GSG1L: variants seen among roughly 807,000 people sequenced by gnomAD.
GSG1L encodes GSG1 like.
In GSG1L, 24 loss-of-function variants were observed where a neutral mutation model predicts 42.1. The observed-to-expected ratio is 0.57, with a 90% confidence interval of 0.41 to 0.80. The LOEUF is 0.80. GSG1L is among the 30% of genes least tolerant of loss of function. The pLI is 0.00. For synonymous variants in GSG1L, 215 were observed against 203.5 expected (o/e 1.06, Z -0.48); for missense variants, 445 against 472.2 (o/e 0.94, Z 0.53).
In GSG1L at chr16:27,828,835, C is replaced by T. The variant is rs1181418429; in HGVS notation, c.784G>A (p.Glu262Lys). 1 of 1,614,200 alleles carries T rather than the reference C, an allele frequency of 6.2e-7. No individual in the cohort carries two copies. The highest frequency in any genetic ancestry group is 8.5e-7 in the Non-Finnish European group (1 of 1,180,032). ...GCCTCAGGGTCTATGAAGGTCGGCT[C>T]TTCCCGGTAGCCCTGCTCAAAGACC... ...RKVFEQGYRE[E>K]PTFIDPEAIK... Residue 262 changes from glutamate to lysine, a missense_variant, in exon 5 of 7, where the codon GAG becomes AAG. Physicochemically the swap from Glu to Lys is moderately conservative, Grantham distance 56. Around this residue, in one of 3 missense-constraint regions of GSG1L, gnomAD observed 140 missense variants for 120.6 expected, o/e 1.16. Coordinates refer to ENST00000447459, the MANE Select transcript of GSG1L (RefSeq NM_001109763.2).
At position 28,063,428 on chromosome 16, in the gene GSG1L, G is replaced by GC; in HGVS notation, c.-5dup. The GC allele has an allele frequency of 7.9e-7, 1 of 1,258,456 alleles. No homozygotes were observed. Among genetic ancestry groups the GC allele is most frequent in the African/African-American group, 1.6e-5 (1 of 63,170 alleles). The allele number at this position is 1,258,456 out of a possible 1,614,324, so 78.0% of individuals were successfully genotyped here. On this transcript the variant is annotated 5_prime_UTR_variant, in exon 1 of 7. Coordinates refer to ENST00000447459, the MANE Select transcript of GSG1L (RefSeq NM_001109763.2). This position sits in a 1 kb window ranked among gnomAD's most constrained non-coding sequence, Gnocchi z 5.8. Reference sequence around the variant, plus strand: ...GGCCGCGGCGGCTAGTCTTCATGCCGCCCGCGCCGCCGGGACGGGACTGCA... The same window carrying GC: ...GGCCGCGGCGGCTAGTCTTCATGCCGCCCCGCGCCGCCGGGACGGGACTGCA...
intron 3 of GSG1L, among the ~76,000 whole-genome samples, chr16:27,853,915 T>G (rs973297333): frequency 6.6e-6 from 1 of 152,022 alleles, no homozygotes. Context: ...TTAATGGACA[T>G]GTAGCCAGGC....
rs2086089892 is a variant in GSG1L, at chr16:28,040,086, C to G, written c.349+22990G>C. 6.6e-6 allele frequency among the ~76,000 whole-genome samples: 1 copy of G among 152,132 alleles called. No individual in the cohort carries two copies. Among genetic ancestry groups the G allele is most frequent in the East Asian group, 1.9e-4 (1 of 5,194 alleles). On this transcript the variant is annotated intron_variant, in intron 1 of 6. Coordinates refer to ENST00000447459, the MANE Select transcript of GSG1L (RefSeq NM_001109763.2). This position sits in a 1 kb window ranked among gnomAD's most constrained non-coding sequence, Gnocchi z 4.1. Reference sequence around the variant, plus strand: ...ATCATAGTCCTGTCCTTTCTTCCTGCAAAACAATGGCTGAGCCCGTCACCC... The same window carrying G: ...ATCATAGTCCTGTCCTTTCTTCCTGGAAAACAATGGCTGAGCCCGTCACCC...
At position 27,884,402 on chromosome 16, in the gene GSG1L, G is replaced by A. The variant is rs78767624; in HGVS notation, c.550+84C>T. On this transcript the variant is annotated intron_variant, in intron 3 of 6. Transcript: ENST00000447459. This position sits in a 1 kb window ranked among gnomAD's most constrained non-coding sequence, Gnocchi z 4.4. Reference sequence around the variant, plus strand: ...AGAAGCAATTTGTCCAATGCCTCCCGGTTGGTACAACCAGGGCTTACTCCA... The same window carrying A: ...AGAAGCAATTTGTCCAATGCCTCCCAGTTGGTACAACCAGGGCTTACTCCA... The A allele has an allele frequency of 5.0e-3, 6,503 of 1,312,554 alleles. 29 individuals carry two copies. Among genetic ancestry groups the A allele is most frequent in the Non-Finnish European group, 6.2e-3 (5,993 of 966,642 alleles). 81.3% of individuals were successfully genotyped at this position (1,312,554 alleles called of 1,614,324 possible).
chr16:27,981,949 T>C (rs1000447133), intron 1 of GSG1L, among the ~76,000 whole-genome samples: 3 of 152,232 alleles, frequency 2.0e-5, no homozygotes, highest in Non-Finnish European at 4.4e-5. Context: ...TCAGACTCTC[T>C]GGGTCTTAGT....
chr16:27,928,517 G>GAAAACAAAAC (rs71985960), intron 2 of GSG1L, among the ~76,000 whole-genome samples: 1 of 150,762 alleles, frequency 6.6e-6, no homozygotes, highest in African/African-American at 2.4e-5. Context: ...GAAAAGAAAA[G>GAAAACAAAAC]AAAACAAAAC....
chr16:27,934,325 C>A (rs1399227715), intron 2 of GSG1L, among the ~76,000 whole-genome samples: 1 of 152,160 alleles, frequency 6.6e-6, no homozygotes, highest in African/African-American at 2.4e-5. Flanking sequence ...GGGAGGATCA[C>A]CTGAGGTCAG....
intron 1 of GSG1L, among the ~76,000 whole-genome samples, chr16:27,988,473 G>T (rs974967601): frequency 2.0e-5 from 3 of 151,728 alleles, no homozygotes; most frequent in African/African-American, 7.3e-5. Context: ...AAGGAGAAAT[G>T]GTATAGATAA....
At chr16:27,983,962 C>A (rs1216816169) in intron 1 of GSG1L, among the ~76,000 whole-genome samples, 3 of 152,130 alleles carry the variant, frequency 2.0e-5, no homozygotes, top group Non-Finnish European at 4.4e-5. Context: ...GCATAAATAA[C>A]CCCTGATAGA....
intron 1 of GSG1L, among the ~76,000 whole-genome samples, chr16:28,000,561 G>A (rs772047176): frequency 6.6e-6 from 1 of 152,092 alleles, no homozygotes; most frequent in South Asian, 2.1e-4. Context: ...CAGATGTTAC[G>A]TGCTGATTTT....
chr16:27,958,992 T>C (rs2085036962), intron 2 of GSG1L, among the ~76,000 whole-genome samples: 1 of 152,094 alleles, frequency 6.6e-6, no homozygotes, highest in Admixed American at 6.6e-5. Context: ...TTAAAATTTC[T>C]ATAACAAGTG....
At chr16:27,934,118 G>C (rs983296119) in intron 2 of GSG1L, among the ~76,000 whole-genome samples, 2 of 152,204 alleles carry the variant, frequency 1.3e-5, no homozygotes, top group Non-Finnish European at 2.9e-5. Flanking sequence ...ACCTTCCCCA[G>C]CACGCAGGTC....
At chr16:27,997,856 C>CTTTTTT (rs35354576) in intron 1 of GSG1L, among the ~76,000 whole-genome samples, 1 of 85,102 alleles carries the variant, frequency 1.2e-5, no homozygotes, top group Non-Finnish European at 2.2e-5. Flanking sequence ...ACCCTCTCCA[C>CTTTTTT]TTTTTTTTTT....
intron 1 of GSG1L, among the ~76,000 whole-genome samples, chr16:28,042,892 A>G (rs2086122992): frequency 6.6e-6 from 1 of 152,192 alleles, no homozygotes; most frequent in Non-Finnish European, 1.5e-5. Flanking sequence ...AAGGCAGGCT[A>G]GGTGAAGTGG....
chr16:28,059,777 C>T lies in GSG1L; in HGVS notation c.349+3299G>A, dbSNP rs543841260. On this transcript the variant is annotated intron_variant, in intron 1 of 6. Coordinates refer to ENST00000447459, the MANE Select transcript of GSG1L (RefSeq NM_001109763.2). This position sits in a 1 kb window ranked among gnomAD's most constrained non-coding sequence, Gnocchi z 4.4. ...TTGGGGTGACTCTGTGTCGAGGCCACGCTTCCCTTTCTGTTTGTGGAAGGA... is the reference window on the plus strand; with the variant it reads ...TTGGGGTGACTCTGTGTCGAGGCCATGCTTCCCTTTCTGTTTGTGGAAGGA... 2.6e-5 allele frequency among the ~76,000 whole-genome samples: 4 copies of T among 152,296 alleles called. No individual in the cohort carries two copies. The highest frequency in any genetic ancestry group is 3.9e-4 in the East Asian group (2 of 5,172).
chr16:27,822,272 G>A (rs957006851), intron 5 of GSG1L, among the ~76,000 whole-genome samples: 1 of 152,194 alleles, frequency 6.6e-6, no homozygotes, highest in Admixed American at 6.5e-5. Context: ...AGTAAACTGC[G>A]AAGTTAATTC....
At chr16:27,850,088 G>T (rs1041195819) in intron 3 of GSG1L, among the ~76,000 whole-genome samples, 1 of 134,822 alleles carries the variant, frequency 7.4e-6, no homozygotes, top group Non-Finnish European at 1.5e-5. Flanking sequence ...GAGTGCAGTG[G>T]CATGATCTTG....
rs953194653 is a variant in GSG1L, at chr16:27,791,296, C to A, written c.*74G>T. 50 of 1,012,108 alleles carry A rather than the reference C, an allele frequency of 4.9e-5. No homozygotes were observed. Among genetic ancestry groups the A allele is most frequent in the Middle Eastern group, 3.6e-4 (1 of 2,816 alleles). 62.7% of individuals were successfully genotyped at this position (1,012,108 alleles called of 1,614,324 possible). A position where few individuals can be genotyped will look rare whatever the true frequency, so the allele number is the denominator to read the frequency against. Reference sequence around the variant, plus strand: ...CACACAGGCCAGGGTTCTGGGGGCACCACTCTGGTGGTCTTGCAGCAGGGG... The same window carrying A: ...CACACAGGCCAGGGTTCTGGGGGCAACACTCTGGTGGTCTTGCAGCAGGGG... On this transcript the variant is annotated 3_prime_UTR_variant, in exon 7 of 7. Coordinates refer to ENST00000447459, the MANE Select transcript of GSG1L (RefSeq NM_001109763.2).
intron 1 of GSG1L, among the ~76,000 whole-genome samples, chr16:27,984,185 T>C (rs888740151): frequency 1.3e-5 from 2 of 152,194 alleles, no homozygotes; most frequent in Non-Finnish European, 1.5e-5. Flanking sequence ...AAGCCCTTAT[T>C]AATGTTTCTC....
Sources: allele counts gnomAD v4.1 joint callset (sites outside exome capture counted in the v4.1 genomes callset), GRCh38; gene constraint gnomAD v4.1.1; regional missense constraint gnomAD v4.1.1; non-coding constraint Gnocchi (gnomAD v3.1); transcripts MANE v1.5; gene names NCBI Gene and HGNC (gene_info 2026-07-23, HGNC 2026-07-21).